The following NRDC variants were observed in gnomAD, a reference collection of about 807,000 sequenced individuals.
NRDC encodes nardilysin.
A neutral mutation model predicts 147.1 loss-of-function variants in NRDC; 54 were observed. The ratio of observed to expected loss-of-function variants is 0.37; its 90% CI spans 0.29 to 0.46. The LOEUF (loss-of-function observed/expected upper bound fraction) is 0.46, where lower values mean the gene tolerates loss of function less well. Ranked by LOEUF, NRDC falls within the 20% of genes least tolerant of loss-of-function variation. The probability of loss-of-function intolerance (pLI) is 1.00; values close to 1 mark genes in which losing one functional copy is unlikely to be tolerated. For synonymous variants in NRDC, 440 were observed against 482.1 expected (o/e 0.91, Z 1.14); for missense variants, 1,082 against 1,370.6 (o/e 0.79, Z 3.33).
rs867630737 is a variant in NRDC at position 51,834,521 on chromosome 1, G to T, written c.713-351C>A. On this transcript the variant is annotated intron_variant, in intron 3 of 30. Transcript: ENST00000352171. The stretch of plus-strand genomic sequence containing the variant: ...AGTAGAGATGGGGTTTCACCAGGTT[G>T]CCCAGGCTGGTCTCCAACTCCTGAC... Among the ~76,000 whole-genome samples the T allele has an allele frequency of 1.1e-4, 17 of 152,016 alleles. No individual in the cohort carries two copies. The South Asian group carries it at 2.5e-3, about 22-fold the overall frequency.
chr1:51,835,542 C>T lies in NRDC; in HGVS notation c.712+589G>A, dbSNP rs1166158483. ...AGTACAGTGGCACAGCCTCAGCTCA[C>T]TGCAACCTCTACCTCCCAGGTTCAA... On this transcript the variant is annotated intron_variant, in intron 3 of 30. Coordinates refer to ENST00000352171, the MANE Select transcript of NRDC (RefSeq NM_001101662.2). 2.0e-5 allele frequency among the ~76,000 whole-genome samples: 3 copies of T among 148,536 alleles called. No individual in the cohort carries two copies. In the East Asian group the frequency reaches 6.0e-4, roughly 30 times the overall value.
In NRDC at chr1:51,805,575, G is replaced by A. The variant is rs1326585335; in HGVS notation, c.2111-14C>T. On this transcript the variant is annotated splice_polypyrimidine_tract_variant and intron_variant, in intron 18 of 30. Coordinates refer to ENST00000352171, the MANE Select transcript of NRDC (RefSeq NM_001101662.2). ...AACGTATATATGCTAAAAGAAAAAA[G>A]ACCATAGATAAAAAAGGTTAGGGGC... The A allele has an allele frequency of 4.5e-6, 7 of 1,545,066 alleles. No individual in the cohort carries two copies. Among genetic ancestry groups the A allele is most frequent in the Non-Finnish European group, 6.1e-6 (7 of 1,144,576 alleles).
intron 2 of NRDC, chr1:51,837,654 C>A (rs1681055788): frequency 6.9e-7 from 1 of 1,459,732 alleles, no homozygotes. Context: ...GAATTTTCTA[C>A]CTAAAAAATT....
In NRDC at chr1:51,791,073, AAAG is replaced by A. The variant is rs530115573; in HGVS notation, c.2961-86_2961-84del. On this transcript the variant is annotated intron_variant, in intron 27 of 30. Transcript: ENST00000352171. ...GAAACCCGATCTCAGGCAGAAGGCA[AAAG>A]AAGGAATTAAGACTAAGACATATAT... The A allele has an allele frequency of 2.1e-4, 210 of 982,378 alleles. 1 individual carries two copies. In the African/African-American group the frequency reaches 3.0e-3, roughly 14 times the overall value. The allele number at this position is 982,378 out of a possible 1,614,324, so 60.9% of individuals were successfully genotyped here. A position where few individuals can be genotyped will look rare whatever the true frequency, so the allele number is the denominator to read the frequency against.
intron 1 of NRDC, among the ~76,000 whole-genome samples, chr1:51,869,308 C>A (rs971292405): frequency 1.3e-5 from 2 of 152,108 alleles, no homozygotes; most frequent in Non-Finnish European, 2.9e-5. Flanking sequence ...CATAATACTT[C>A]TTTATTGTTA....
rs900212087 is a variant in NRDC at position 51,812,156 on chromosome 1, C to G, written c.1675-58G>C. The G allele has an allele frequency of 7.7e-6, 9 of 1,165,592 alleles. No individual in the cohort carries two copies. In the African/African-American group the frequency reaches 9.1e-5, roughly 12 times the overall value. The allele number at this position is 1,165,592 out of a possible 1,614,324, so 72.2% of individuals were successfully genotyped here. On this transcript the variant is annotated intron_variant, in intron 14 of 30. Coordinates refer to ENST00000352171, the MANE Select transcript of NRDC (RefSeq NM_001101662.2). ...TTCTCCATTATTATATTTGATTTACCACAACATACAAATACTTTCTCCCTT... is the reference window on the plus strand; with the variant it reads ...TTCTCCATTATTATATTTGATTTACGACAACATACAAATACTTTCTCCCTT...
At chr1:51,846,247 G>C (rs1288129950) in intron 1 of NRDC, among the ~76,000 whole-genome samples, 1 of 152,026 alleles carries the variant, frequency 6.6e-6, no homozygotes, top group African/African-American at 2.4e-5. Context: ...CGGGTAGCTG[G>C]GACCACAGGC....
intron 22 of NRDC, 96 bp downstream of exon 22, chr1:51,798,153 T>G (rs1196210039): frequency 7.8e-7 from 1 of 1,274,742 alleles, no homozygotes; most frequent in East Asian, 2.3e-5. Flanking sequence ...AATGCTGGCC[T>G]GCCAAAACTA....
chr1:51,791,752 C>G (rs890004616), intron 26 of NRDC, 91 bp from the exon 27 acceptor site: 1 of 1,061,600 alleles, frequency 9.4e-7, no homozygotes, highest in Non-Finnish European at 1.4e-6. Flanking sequence ...AAAGTTTCTG[C>G]CCATCCTTAT....
In NRDC at chr1:51,794,478, G is replaced by A; in HGVS notation, c.2769C>T (p.Tyr923=). ...TTTAGTACACCCAACTGACCTGGTA[G>A]TACACAGTGACTTCAGAGTTGGCAT... is the stretch of plus-strand genomic sequence containing the variant. ...KGDANSEVTV[Y]YQSGTRSLRE... The change falls in exon 24 of 31, where the codon TAC becomes TAT. Residue 923 remains tyrosine (Y), a synonymous_variant. Coordinates refer to ENST00000352171, the MANE Select transcript of NRDC (RefSeq NM_001101662.2). 6.2e-7 allele frequency: 1 copy of A among 1,614,164 alleles called. No homozygotes were observed.
chr1:51,812,934 C>A (rs113130552), intron 14 of NRDC, among the ~76,000 whole-genome samples: 3 of 143,676 alleles, frequency 2.1e-5, no homozygotes, highest in Non-Finnish European at 4.5e-5. Flanking sequence ...CGCACTCCTG[C>A]CCAGATGACA....
At chr1:51,827,623 A>G (rs1680503591) in intron 5 of NRDC, among the ~76,000 whole-genome samples, 173 bp downstream of exon 5, 1 of 152,222 alleles carries the variant, frequency 6.6e-6, no homozygotes, top group East Asian at 1.9e-4. Flanking sequence ...TTTACTTCAA[A>G]TCTACACTGA....
chr1:51,865,382 C>T (rs1210369507), intron 1 of NRDC, among the ~76,000 whole-genome samples: 1 of 151,614 alleles, frequency 6.6e-6, no homozygotes, highest in Admixed American at 6.6e-5. Flanking sequence ...ATGGCTCATG[C>T]AACCTCCGCC....
chr1:51,821,856 A>G (rs1680224958), intron 7 of NRDC, among the ~76,000 whole-genome samples: 2 of 152,168 alleles, frequency 1.3e-5, no homozygotes, highest in South Asian at 4.1e-4. Context: ...GGACCAAGAG[A>G]TAAGATTATG....
At chr1:51,875,105 T>C (rs1049713635) in intron 1 of NRDC, among the ~76,000 whole-genome samples, 3 of 152,240 alleles carry the variant, frequency 2.0e-5, no homozygotes, top group Non-Finnish European at 4.4e-5. Flanking sequence ...AATTCAGCTC[T>C]GTGGGCTGCA....
chr1:51,851,547 A>C (rs780757611), intron 1 of NRDC, among the ~76,000 whole-genome samples: 1 of 107,186 alleles, frequency 9.3e-6, no homozygotes, highest in Non-Finnish European at 2.0e-5. Flanking sequence ...GGGCCCAAGG[A>C]AAAAAAAAAA....
At position 51,834,115 on chromosome 1, in the gene NRDC, C is replaced by A. The variant is rs1311087763; in HGVS notation, c.768G>T (p.Leu256=). Residue 256 remains leucine (L), a synonymous_variant, in exon 4 of 31, where the codon CTG becomes CTT. Coordinates refer to ENST00000352171, the MANE Select transcript of NRDC (RefSeq NM_001101662.2). ...CATTATCACTACCCCCATGCTTCTTCAGGAAGGCATCAAATCCATTCTCAT... is the reference window on the plus strand; with the variant it reads ...CATTATCACTACCCCCATGCTTCTTAAGGAAGGCATCAAATCCATTCTCAT... ...YPDENGFDAF[L]KKHGGSDNAS... 1 of 1,614,076 alleles carries A rather than the reference C, an allele frequency of 6.2e-7. No homozygotes were observed. Among genetic ancestry groups the A allele is most frequent in the Non-Finnish European group, 8.5e-7 (1 of 1,179,994 alleles).
intron 6 of NRDC, 71 bp downstream of exon 6, chr1:51,825,216 C>T: frequency 1.9e-6 from 2 of 1,050,010 alleles, no homozygotes; most frequent in Non-Finnish European, 2.8e-6. Flanking sequence ...ATTTTCAATT[C>T]TTTATCAACT....
intron 1 of NRDC, among the ~76,000 whole-genome samples, chr1:51,843,431 G>A (rs1336956369): frequency 6.6e-6 from 1 of 152,006 alleles, no homozygotes; most frequent in African/African-American, 2.4e-5. Context: ...ACATTAACAA[G>A]TTTACTAATT....
Sources: gnomAD v4.1 joint callset for allele counts (sites outside exome capture counted in the v4.1 genomes callset) on GRCh38, gnomAD v4.1.1 for gene constraint, MANE v1.5 for transcripts, NCBI Gene and HGNC (gene_info 2026-07-23, HGNC 2026-07-21) for gene names.